The following SYT4 variants were observed in gnomAD, a reference collection of about 807,000 sequenced individuals.
SYT4 encodes synaptotagmin-4.
Under a neutral mutation model 32.9 loss-of-function variants are expected in SYT4, and 7 were observed. The observed-to-expected ratio is 0.21, with a 90% CI of 0.12 to 0.40. The LOEUF is 0.40. Among genes scored for constraint, SYT4 ranks in the 10% least tolerant of loss-of-function variants. The pLI, the probability that SYT4 is intolerant of heterozygous loss-of-function variation, is 1.00. For missense variants in SYT4, 480 were observed against 488.0 expected (o/e 0.98, Z 0.16); for synonymous variants, 205 against 186.2 (o/e 1.10, Z -0.82).
rs146096223 is a variant in SYT4 at position 43,274,080 on chromosome 18, C to T, written c.349G>A (p.Asp117Asn). 654 of 1,614,036 alleles carry T rather than the reference C, an allele frequency of 4.1e-4. 4 individuals are homozygous for T. In the African/African-American group the frequency reaches 7.7e-3, roughly 19 times the overall value. Residue 117 changes from aspartate (D) to asparagine (N), a missense_variant, in exon 2 of 4, where the codon GAT becomes AAT. Transcript: ENST00000255224. ...KTNLKPGSPSDLENATPKLFL... is the reference protein window; with the variant it reads ...KTNLKPGSPSNLENATPKLFL... Reference sequence around the variant, plus strand: ...AGCTTCGGGGTTGCATTCTCCAGATCAGAAGGACTGCCAGGTTTGAGGTTG... The same window carrying T: ...AGCTTCGGGGTTGCATTCTCCAGATTAGAAGGACTGCCAGGTTTGAGGTTG...
rs1371570920 is a variant in SYT4, at chr18:43,269,009, A to G, written c.*1332T>C. The G allele has an allele frequency of 6.6e-6, 1 of 152,298 alleles. No individual in the cohort carries two copies. Among genetic ancestry groups the G allele is most frequent in the East Asian group, 1.9e-4 (1 of 5,176 alleles). The allele number at this position is 152,298 out of a possible 1,614,324, so 9.4% of individuals were successfully genotyped here. ...AAGTTCCACTCATACTTCTCTAAGAACTCAAATATAGTGACATTACTCTCA... is the reference window on the plus strand; with the variant it reads ...AAGTTCCACTCATACTTCTCTAAGAGCTCAAATATAGTGACATTACTCTCA... On this transcript the variant is annotated 3_prime_UTR_variant, in exon 4 of 4. Coordinates refer to ENST00000255224, the MANE Select transcript of SYT4 (RefSeq NM_020783.4).
intron 2 of SYT4, among the ~76,000 whole-genome samples, chr18:43,272,807 G>A (rs1454001332): frequency 6.6e-6 from 1 of 152,042 alleles, no homozygotes; most frequent in Non-Finnish European, 1.5e-5. Context: ...AATAGGAGAG[G>A]AGACAGTCAA....
At position 43,274,319 on chromosome 18, in the gene SYT4, C is replaced by A; in HGVS notation, c.110G>T (p.Cys37Phe). The stretch of plus-strand genomic sequence containing the variant: ...AGACTTGGATGATTTTCTCTGACAG[C>A]AGATCCATGCAAAGAGAGAGACTGT... ...VFTVSLFAWI[C>F]CQRKSSKSNK... The change falls in exon 2 of 4, where the codon TGC (cysteine) becomes TTC (phenylalanine). Residue 37 changes from cysteine to phenylalanine, a missense_variant. By Grantham distance (205) the Cys-to-Phe change is radical. Coordinates refer to ENST00000255224, the MANE Select transcript of SYT4 (RefSeq NM_020783.4). 6.2e-7 allele frequency: 1 copy of A among 1,613,506 alleles called. No homozygotes were observed. The highest frequency in any genetic ancestry group is 1.1e-5 in the South Asian group (1 of 91,074).
Position 43,270,229 on chromosome 18 carries a change from A to T in SYT4, c.*112T>A. 8.6e-7 allele frequency: 1 copy of T among 1,158,776 alleles called. No individual in the cohort carries two copies. The highest frequency in any genetic ancestry group is 1.5e-5 in the African/African-American group (1 of 64,890). The allele number at this position is 1,158,776 out of a possible 1,614,324, so 71.8% of individuals were successfully genotyped here. ...AATTCAATCCATTTCTAGCAACAAC[A>T]ACAACAACAAAAAGGTAGCTTGATT... On this transcript the variant is annotated 3_prime_UTR_variant, in exon 4 of 4. Transcript: ENST00000255224.
rs931379658 is a variant in SYT4, at chr18:43,270,016, G to A, written c.*325C>T. 7 of 266,168 alleles carry A rather than the reference G, an allele frequency of 2.6e-5. No individual in the cohort carries two copies. The highest frequency in any genetic ancestry group is 1.3e-4 in the African/African-American group (6 of 45,488). The allele number at this position is 266,168 out of a possible 1,614,324, so 16.5% of individuals were successfully genotyped here. Reference sequence around the variant, plus strand: ...TAATCACATTAACTTTTTGTGACATGTTCCAATGAGATTGTCACATTTATA... The same window carrying A: ...TAATCACATTAACTTTTTGTGACATATTCCAATGAGATTGTCACATTTATA... On this transcript the variant is annotated 3_prime_UTR_variant, in exon 4 of 4. Transcript: ENST00000255224.
Position 43,268,509 on chromosome 18 carries a change from C to A in SYT4, c.*1832G>T, listed in dbSNP as rs1238885865. 6.6e-6 allele frequency: 1 copy of A among 152,034 alleles called. No homozygotes were observed. Among genetic ancestry groups the A allele is most frequent in the Non-Finnish European group, 1.5e-5 (1 of 68,010 alleles). The allele number at this position is 152,034 out of a possible 1,614,324, so 9.4% of individuals were successfully genotyped here. Reference sequence around the variant, plus strand: ...AAGAATACTTAGAATTGGCCCCTTACAACTTTTCAGAGGTCCAACATATAT... The same window carrying A: ...AAGAATACTTAGAATTGGCCCCTTAAAACTTTTCAGAGGTCCAACATATAT... On this transcript the variant is annotated 3_prime_UTR_variant, in exon 4 of 4. Transcript: ENST00000255224.
chr18:43,277,171 A>C (rs1908820229), intron 1 of SYT4, 77 bp downstream of exon 1: 1 of 1,579,312 alleles, frequency 6.3e-7, no homozygotes, highest in African/African-American at 1.4e-5. Flanking sequence ...ACAACCGGGC[A>C]AAAAATAAAT....
rs934926430 is a variant in SYT4, at chr18:43,269,202, T to C, written c.*1139A>G. The C allele has an allele frequency of 6.6e-6, 1 of 152,182 alleles. No individual in the cohort carries two copies. Among genetic ancestry groups the C allele is most frequent in the African/African-American group, 2.4e-5 (1 of 41,444 alleles). 9.4% of individuals were successfully genotyped at this position (152,182 alleles called of 1,614,324 possible). On this transcript the variant is annotated 3_prime_UTR_variant, in exon 4 of 4. Coordinates refer to ENST00000255224, the MANE Select transcript of SYT4 (RefSeq NM_020783.4). ...TAGAAAAGATAGTGAAACACATTCT[T>C]TGTTGTGCTAATTTGACAGCCTAAG...
At chr18:43,272,234 G>A (rs1177528147) in intron 2 of SYT4, 3 of 153,488 alleles carry the variant, frequency 2.0e-5, no homozygotes, top group Admixed American at 1.9e-4. Context: ...TGGGTCAAAT[G>A]ACTACACATA....
chr18:43,271,881 A>T, intron 2 of SYT4, 49 bp from the exon 3 acceptor site: 2 of 1,567,894 alleles, frequency 1.3e-6, no homozygotes, highest in Non-Finnish European at 1.7e-6. Context: ...TTTAACTTTG[A>T]AGTGTGTACT....
At position 43,273,738 on chromosome 18, in the gene SYT4, T is replaced by C; in HGVS notation, c.691A>G (p.Thr231Ala). The C allele has an allele frequency of 6.2e-7, 1 of 1,613,936 alleles. No individual in the cohort carries two copies. The highest frequency in any genetic ancestry group is 8.5e-7 in the Non-Finnish European group (1 of 1,179,892). Residue 231 changes from threonine (T) to alanine (A), a missense_variant, in exon 2 of 4, where the codon ACC (threonine) becomes GCC (alanine). Physicochemically the swap from Thr to Ala is moderately conservative, Grantham distance 58. Transcript: ENST00000255224. ...TGCAAGGCCAATTCTTGGATTTGGG[T>C]GTAGGGTATCCCATAGAATGTAAAG... is the stretch of plus-strand genomic sequence containing the variant. ...ETFTFYGIPY[T>A]QIQELALHFT...
Position 43,277,324 on chromosome 18 carries a change from C to G in SYT4, c.-43G>C, listed in dbSNP as rs752520579. 1.9e-6 allele frequency: 3 copies of G among 1,613,206 alleles called. No homozygotes were observed. Among genetic ancestry groups the G allele is most frequent in the East Asian group, 2.2e-5 (1 of 44,830 alleles). ...GTCCGAGGTGCTGAAGGGAAAACTGCCTGGCTGGATTCACTTGCCTGGATC... is the reference window on the plus strand; with the variant it reads ...GTCCGAGGTGCTGAAGGGAAAACTGGCTGGCTGGATTCACTTGCCTGGATC... On this transcript the variant is annotated 5_prime_UTR_variant, in exon 1 of 4. Coordinates refer to ENST00000255224, the MANE Select transcript of SYT4 (RefSeq NM_020783.4).
At chr18:43,271,586 C>A in intron 3 of SYT4, 126 bp downstream of exon 3, 3 of 1,277,004 alleles carry the variant, frequency 2.3e-6, no homozygotes, top group South Asian at 1.8e-5. Flanking sequence ...AAACTAAAAG[C>A]TAACTTTTAT....
chr18:43,276,944 G>A (rs1046231976), intron 1 of SYT4, among the ~76,000 whole-genome samples: 1 of 152,048 alleles, frequency 6.6e-6, no homozygotes, highest in African/African-American at 2.4e-5. Flanking sequence ...ACCAACATGG[G>A]AAAAACAGAC....
At chr18:43,276,809 A>G (rs1908808195) in intron 1 of SYT4, among the ~76,000 whole-genome samples, 1 of 152,148 alleles carries the variant, frequency 6.6e-6, no homozygotes, top group South Asian at 2.1e-4. Context: ...ACATTGCCAA[A>G]CCCCAATAGA....
At chr18:43,272,932 C>A (rs73485594) in intron 2 of SYT4, among the ~76,000 whole-genome samples, 5,234 of 152,110 alleles carry the variant, frequency 0.034, 296 homozygotes, top group African/African-American at 0.12. Flanking sequence ...TTCTGATATA[C>A]CACTGTTGAA....
In SYT4 at chr18:43,271,784, T is replaced by G. The variant is rs1177194974; in HGVS notation, c.898A>C (p.Thr300Pro). The G allele has an allele frequency of 6.2e-7, 1 of 1,613,298 alleles. No individual in the cohort carries two copies. Among genetic ancestry groups the G allele is most frequent in the Non-Finnish European group, 8.5e-7 (1 of 1,179,356 alleles). Residue 300 changes from threonine (T) to proline (P), a missense_variant, in exon 3 of 4, where the codon ACC (threonine) becomes CCC (proline). By Grantham distance (38) the Thr-to-Pro change is conservative. Transcript: ENST00000255224. ...ACAACCACAGTTAGAGTGTTTGTGG[T>G]GGACTGATAGCAGAGAGAGATCAGT... ...ELLISLCYQSTTNTLTVVVLK... is the reference protein window; with the variant it reads ...ELLISLCYQSPTNTLTVVVLK...
chr18:43,273,483 T>C (rs895656289), intron 2 of SYT4, 97 bp downstream of exon 2: 1 of 722,660 alleles, frequency 1.4e-6, no homozygotes, highest in South Asian at 2.0e-5. Flanking sequence ...GTAAGGATGA[T>C]ATGTACAAGC....
chr18:43,274,223 C>T lies in SYT4; in HGVS notation c.206G>A (p.Ser69Asn), dbSNP rs756854911. The T allele has an allele frequency of 6.2e-7, 1 of 1,613,902 alleles. No individual in the cohort carries two copies. The change falls in exon 2 of 4, where the codon AGC (serine) becomes AAC (asparagine). Residue 69 changes from serine to asparagine, a missense_variant. Coordinates refer to ENST00000255224, the MANE Select transcript of SYT4 (RefSeq NM_020783.4). ...ATCATCTGCTCCAAACTTCTTTTTG[C>T]TATTTAGGTTTTCAGGGTAAATATC... ...GVDIYPENLNSKKKFGADDKN... is the reference protein window; with the variant it reads ...GVDIYPENLNNKKKFGADDKN...
Sources: allele counts gnomAD v4.1 joint callset (sites outside exome capture counted in the v4.1 genomes callset), GRCh38; gene constraint gnomAD v4.1.1; transcripts MANE v1.5; gene names NCBI Gene and HGNC (gene_info 2026-07-23, HGNC 2026-07-21).